The following GPR161 variants were observed in gnomAD, a reference collection of about 807,000 sequenced individuals.
The protein encoded by GPR161 is G-protein coupled receptor RE2.
In GPR161, 25 loss-of-function variants were observed where a neutral mutation model predicts 39.2. The observed-to-expected ratio is 0.64, with a 90% CI of 0.47 to 0.89. The LOEUF (loss-of-function observed/expected upper bound fraction) is 0.89. Ranked by LOEUF, GPR161 falls within the 40% of genes least tolerant of loss-of-function variation. GPR161 has a pLI of 0.00. For missense variants in GPR161, 547 were observed against 677.8 expected, an observed-to-expected ratio of 0.81 and a Z score of 2.14; for synonymous variants, 286 against 276.6, an observed-to-expected ratio of 1.03 and a Z score of -0.34.
In GPR161 at chr1:168,097,097, CT is replaced by C. The variant is rs1451917318; in HGVS notation, c.509del (p.Glu170GlyfsTer153). 6.2e-7 allele frequency: 1 copy of C among 1,614,002 alleles called. No homozygotes were observed. The highest frequency in any genetic ancestry group is 8.5e-7 in the Non-Finnish European group (1 of 1,180,044). ...LPPLFGWSSV[E>X]FDEFKWMCVA... Reference sequence around the variant, plus strand: ...CACACATCCATTTGAACTCGTCAAACTCCACGGATGACCAACCAAACAGGGG... The same window carrying C: ...CACACATCCATTTGAACTCGTCAAACCCACGGATGACCAACCAAACAGGGG... On this transcript the variant is annotated frameshift_variant, in exon 3 of 6. Transcript: ENST00000682931. LOFTEE classifies it high-confidence loss of function.
In GPR161 at chr1:168,098,722, G is replaced by A. The variant is rs554383300; in HGVS notation, c.375-1490C>T. ...TCTATCCTGGAAAGAGAGCATTTCC[G>A]GCTATGCGGCCTGAGGAGAAGATTG... On this transcript the variant is annotated intron_variant, in intron 2 of 5. Coordinates refer to ENST00000682931, the MANE Select transcript of GPR161 (RefSeq NM_001375883.1). The surrounding 1 kb of genome is among the most constrained non-coding windows in gnomAD (Gnocchi z 4.1). 2.2e-4 allele frequency among the ~76,000 whole-genome samples: 34 copies of A among 152,346 alleles called. No individual in the cohort carries two copies. Among genetic ancestry groups the A allele is most frequent in the Non-Finnish European group, 4.1e-4 (28 of 68,042 alleles).
intron 1 of GPR161, among the ~76,000 whole-genome samples, chr1:168,119,576 G>T (rs1697989067): frequency 1.3e-5 from 2 of 152,156 alleles, no homozygotes; most frequent in Admixed American, 6.5e-5. Flanking sequence ...CAGATGGATG[G>T]TGGTGATGGC....
At chr1:168,119,873 T>A (rs11802762) in intron 1 of GPR161, among the ~76,000 whole-genome samples, 14,296 of 152,186 alleles carry the variant, frequency 0.094, 756 homozygotes, top group East Asian at 0.19. Context: ...AGACAAGAGA[T>A]GAGCATTGGG....
At chr1:168,087,461 G>T in intron 5 of GPR161, 124 bp downstream of exon 5, 1 of 1,125,554 alleles carries the variant, frequency 8.9e-7, no homozygotes, top group Non-Finnish European at 1.3e-6. Context: ...AGTAACCAGG[G>T]AGTGAGCAAA....
In GPR161 at chr1:168,096,861, G is replaced by C. The variant is rs771662542; in HGVS notation, c.746C>G (p.Ser249Ter). 3 of 1,614,146 alleles carry C rather than the reference G, an allele frequency of 1.9e-6. No individual in the cohort carries two copies. The Admixed American group carries it at 5.0e-5, about 27-fold the overall frequency. Residue 249 changes from serine (S) to a stop codon, truncating the protein, a stop_gained, in exon 3 of 6, where the codon TCA (serine) becomes TGA (stop). Coordinates refer to ENST00000682931, the MANE Select transcript of GPR161 (RefSeq NM_001375883.1). LOFTEE classifies it high-confidence loss of function. ...RKNSSTSTSS[S>*]GSRRNAFQGV... ...CTGAAAGGCATTCCTCCTGCTGCCT[G>C]AAGAGGAGGTGGAGGTGCTGGAGTT...
intron 1 of GPR161, among the ~76,000 whole-genome samples, chr1:168,112,316 T>A (rs1341092498): frequency 6.6e-6 from 1 of 151,372 alleles, no homozygotes; most frequent in African/African-American, 2.4e-5. Context: ...TCGTCTCTAC[T>A]AAAAATACAA....
intron 1 of GPR161, among the ~76,000 whole-genome samples, chr1:168,134,113 G>T (rs991500515): frequency 6.6e-6 from 1 of 152,148 alleles, no homozygotes; most frequent in African/African-American, 2.4e-5. Flanking sequence ...TTTATAAGGG[G>T]CAGGGCTGGG....
At chr1:168,113,074 A>G (rs1312696814) in intron 1 of GPR161, among the ~76,000 whole-genome samples, 5 of 152,176 alleles carry the variant, frequency 3.3e-5, no homozygotes, top group Non-Finnish European at 1.5e-5. Context: ...AAAGAACAAG[A>G]GAAGTGGTTT....
chr1:168,085,887 G>T, intron 5 of GPR161, 91 bp from the exon 6 acceptor site: 1 of 1,177,036 alleles, frequency 8.5e-7, no homozygotes, highest in Non-Finnish European at 1.2e-6. Context: ...ACCACCCCGG[G>T]GAGGGAGACA....
intron 1 of GPR161, among the ~76,000 whole-genome samples, chr1:168,111,968 A>G (rs1430532268): frequency 1.3e-5 from 2 of 151,964 alleles, no homozygotes; most frequent in Non-Finnish European, 2.9e-5. Flanking sequence ...TCAACAGAAA[A>G]AAAAAAAAAG....
Position 168,096,701 on chromosome 1 carries a change from G to A in GPR161, c.906C>T (p.Ser302=), listed in dbSNP as rs577736011. 1 of 1,614,124 alleles carries A rather than the reference G, an allele frequency of 6.2e-7. No individual in the cohort carries two copies. The highest frequency in any genetic ancestry group is 8.5e-7 in the Non-Finnish European group (1 of 1,180,030). The change falls in exon 3 of 6, where the codon TCC becomes TCT. Residue 302 remains serine (S), a synonymous_variant. Transcript: ENST00000682931. Reference sequence around the variant, plus strand: ...ATGTGGCCCAAGTCTCCAGGCTCGGGGAGACGGAGCTTTTCCCCCAGAGGG... The same window carrying A: ...ATGTGGCCCAAGTCTCCAGGCTCGGAGAGACGGAGCTTTTCCCCCAGAGGG... ...SEALWGKSSV[S]PSLETWATWL...
intron 1 of GPR161, among the ~76,000 whole-genome samples, chr1:168,111,550 G>A (rs1572334144): frequency 1.3e-5 from 2 of 152,214 alleles, no homozygotes; most frequent in African/African-American, 4.8e-5. Flanking sequence ...CAGTCGTCTT[G>A]AGACCATTAG....
chr1:168,130,460 A>C (rs1298449703), intron 1 of GPR161, among the ~76,000 whole-genome samples: 2 of 152,224 alleles, frequency 1.3e-5, no homozygotes. Context: ...AGAAAGGTCA[A>C]AACCAGTGAG....
chr1:168,137,251 C>T (rs925930947), upstream of GPR161: 105 of 1,486,822 alleles, frequency 7.1e-5, no homozygotes, highest in Non-Finnish European at 8.7e-5. Flanking sequence ...GCCCCAGTTC[C>T]AGCCGCTGGG....
intron 1 of GPR161, among the ~76,000 whole-genome samples, chr1:168,127,414 G>C (rs1272637018): frequency 6.6e-6 from 1 of 151,998 alleles, no homozygotes; most frequent in South Asian, 2.1e-4. Context: ...AACCCAGGAG[G>C]TGGGCATTGC....
chr1:168,129,231 G>A (rs1053493951), intron 1 of GPR161, among the ~76,000 whole-genome samples: 2 of 152,208 alleles, frequency 1.3e-5, no homozygotes, highest in South Asian at 2.1e-4. Context: ...AAAATGATGC[G>A]AGGGAACCTC....
intron 1 of GPR161, among the ~76,000 whole-genome samples, chr1:168,121,529 C>T (rs10800335): frequency 0.51 from 78,135 of 151,878 alleles, 21,161 homozygotes; most frequent in African/African-American, 0.68. Flanking sequence ...TGGAGGTCCA[C>T]GTCAACCTCC....
chr1:168,085,905 G>T, intron 5 of GPR161, 109 bp from the exon 6 acceptor site: 1 of 910,450 alleles, frequency 1.1e-6, no homozygotes, highest in Non-Finnish European at 1.6e-6. Context: ...ACAAACCGCA[G>T]TTAAGGGCGT....
Position 168,096,896 on chromosome 1 carries a change from G to A in GPR161, c.711C>T (p.Thr237=), listed in dbSNP as rs139153028. ...TGGAGGTGCTGGAGTTCTTCCTCCC[G>A]GTCCTCTGAGCATCCTCCTCCACGA... ...VVIVEEDAQR[T]GRKNSSTSTS... is the part of the protein sequence containing the mutation. The change falls in exon 3 of 6, where the codon ACC becomes ACT. Residue 237 remains threonine (T), a synonymous_variant. Coordinates refer to ENST00000682931, the MANE Select transcript of GPR161 (RefSeq NM_001375883.1). The A allele has an allele frequency of 5.9e-4, 946 of 1,614,058 alleles. 4 individuals are homozygous for A. Among genetic ancestry groups the A allele is most frequent in the African/African-American group, 6.1e-4 (46 of 74,996 alleles).
Sources: allele counts gnomAD v4.1 joint callset (sites outside exome capture counted in the v4.1 genomes callset), GRCh38; gene constraint gnomAD v4.1.1; non-coding constraint Gnocchi (gnomAD v3.1); transcripts MANE v1.5; gene names NCBI Gene and HGNC (gene_info 2026-07-23, HGNC 2026-07-21).